LYRM4: variants seen among roughly 807,000 people sequenced by gnomAD.
LYRM4 encodes the protein LYR motif-containing protein 4.
Under a neutral mutation model 11.7 loss-of-function variants are expected in LYRM4, and 9 were observed. That is an observed-to-expected ratio of 0.77 (90% CI 0.46 to 1.34). The LOEUF (loss-of-function observed/expected upper bound fraction) is 1.34, where lower values mean the gene tolerates loss of function less well. Ranked by LOEUF, LYRM4 falls within the 40% of genes most tolerant of loss-of-function variation. The pLI is 0.00. For synonymous variants in LYRM4, 42 were observed against 40.4 expected (o/e 1.04, Z -0.15); for missense variants, 133 against 112.5 (o/e 1.18, Z -0.82).
chr6:5,200,634 C>T (rs1416708568), intron 2 of LYRM4, among the ~76,000 whole-genome samples: 1 of 152,230 alleles, frequency 6.6e-6, no homozygotes, highest in Non-Finnish European at 1.5e-5. Context: ...TGCCCGGAGA[C>T]TAGCCTTGTG....
At chr6:5,249,352 C>T (rs1764330596) in intron 1 of LYRM4, among the ~76,000 whole-genome samples, 1 of 152,122 alleles carries the variant, frequency 6.6e-6, no homozygotes, top group Admixed American at 6.6e-5. Context: ...TGATACTCAT[C>T]CATTATACTG....
the LYRM4 span, among the ~76,000 whole-genome samples, chr6:5,036,949 T>C: frequency 1.3e-5 from 2 of 152,130 alleles, no homozygotes; most frequent in African/African-American, 2.4e-5. Flanking sequence ...TCCCCTGTTA[T>C]CTAGGTCTCT....
intron 2 of LYRM4, among the ~76,000 whole-genome samples, chr6:5,130,830 C>T (rs1055133692): frequency 6.6e-5 from 10 of 151,976 alleles, no homozygotes; most frequent in South Asian, 4.2e-4. Flanking sequence ...ATTAAGGGCA[C>T]AGAAAAGTAG....
intron 2 of LYRM4, among the ~76,000 whole-genome samples, chr6:5,179,918 T>C (rs1480592227): frequency 6.6e-6 from 1 of 152,250 alleles, no homozygotes; most frequent in Non-Finnish European, 1.5e-5. Context: ...TTATCAATAA[T>C]TTCTTACTGT....
chr6:5,087,776 G>A, the LYRM4 span: 1 of 152,448 alleles, frequency 6.6e-6, no homozygotes, highest in Non-Finnish European at 1.5e-5. Flanking sequence ...CTTGGTCGCT[G>A]TGCTGGCTGT....
chr6:5,106,935 T>C (rs2127591452), downstream of LYRM4: 1 of 152,390 alleles, frequency 6.6e-6, no homozygotes, highest in East Asian at 1.9e-4. Flanking sequence ...GGTGGAATAC[T>C]TCCCTAGAGA....
intron 2 of LYRM4, among the ~76,000 whole-genome samples, chr6:5,205,250 C>T (rs1761627856): frequency 6.6e-6 from 1 of 150,438 alleles, no homozygotes; most frequent in African/African-American, 2.5e-5. Context: ...TCACTGAAGG[C>T]CTTCCCTAGG....
At position 5,260,932 on chromosome 6, in the gene LYRM4, G is replaced by C; in HGVS notation, c.-199C>G. 7.4e-7 allele frequency: 1 copy of C among 1,353,988 alleles called. No homozygotes were observed. The highest frequency in any genetic ancestry group is 9.5e-7 in the Non-Finnish European group (1 of 1,057,632). 83.9% of individuals were successfully genotyped at this position (1,353,988 alleles called of 1,614,324 possible). ...CCAGGCGTCCCGCGCCGCTTCGGGGGCGGGCGCAGGCAGGGCTCGGGGCAG... is the reference window on the plus strand; with the variant it reads ...CCAGGCGTCCCGCGCCGCTTCGGGGCCGGGCGCAGGCAGGGCTCGGGGCAG... On this transcript the variant is annotated 5_prime_UTR_variant, in exon 1 of 3. Coordinates refer to ENST00000330636, the MANE Select transcript of LYRM4 (RefSeq NM_020408.6).
At chr6:5,067,292 A>ATG in the LYRM4 span, among the ~76,000 whole-genome samples, 371 of 152,322 alleles carry the variant, frequency 2.4e-3, 2 homozygotes, top group South Asian at 0.015. Context: ...AACAGTTAAC[A>ATG]TTTACAATTG....
intron 2 of LYRM4, among the ~76,000 whole-genome samples, chr6:5,154,102 A>C (rs1442757558): frequency 6.6e-6 from 1 of 152,212 alleles, no homozygotes; most frequent in East Asian, 1.9e-4. Flanking sequence ...AGATATTCTA[A>C]ATCTTTAAGC....
intron 2 of LYRM4, among the ~76,000 whole-genome samples, chr6:5,145,118 C>G (rs367814679): frequency 2.6e-5 from 4 of 152,222 alleles, no homozygotes; most frequent in African/African-American, 9.6e-5. Flanking sequence ...GTGGAAAACA[C>G]CAACCTGGCA....
chr6:5,206,343 C>T (rs967622307), intron 2 of LYRM4, among the ~76,000 whole-genome samples: 2 of 152,176 alleles, frequency 1.3e-5, no homozygotes, highest in Non-Finnish European at 1.5e-5. Context: ...TCTCCTGGCT[C>T]GCTGGGCCAA....
At chr6:5,228,345 C>T (rs1036178098) in intron 1 of LYRM4, among the ~76,000 whole-genome samples, 6 of 151,924 alleles carry the variant, frequency 3.9e-5, no homozygotes, top group African/African-American at 7.3e-5. Flanking sequence ...AATGCGGTCT[C>T]GGCTCACTGC....
intron 2 of LYRM4, among the ~76,000 whole-genome samples, chr6:5,200,629 G>A (rs147172942): frequency 8.9e-4 from 136 of 152,316 alleles, no homozygotes; most frequent in African/African-American, 2.8e-3. Flanking sequence ...CAGCTTGCCC[G>A]GAGACTAGCC....
intron 2 of LYRM4, among the ~76,000 whole-genome samples, chr6:5,181,614 G>A (rs755909897): frequency 2.6e-5 from 4 of 151,950 alleles, no homozygotes; most frequent in Admixed American, 6.6e-5. Context: ...TCCTGACCAC[G>A]CCCTGGCTCC....
At chr6:5,251,643 C>T (rs945529687) in intron 1 of LYRM4, among the ~76,000 whole-genome samples, 4 of 152,178 alleles carry the variant, frequency 2.6e-5, no homozygotes, top group Non-Finnish European at 4.4e-5. Context: ...GAGAAACCTG[C>T]CCCCATGATC....
chr6:5,191,949 G>A (rs986411345), intron 2 of LYRM4, among the ~76,000 whole-genome samples: 5 of 152,068 alleles, frequency 3.3e-5, no homozygotes, highest in Admixed American at 2.0e-4. Context: ...GAAACAATCC[G>A]ACAGATTAAG....
the LYRM4 span, among the ~76,000 whole-genome samples, chr6:5,073,803 A>G: frequency 6.6e-6 from 1 of 152,164 alleles, no homozygotes; most frequent in African/African-American, 2.4e-5. Flanking sequence ...AATCACAGAA[A>G]TGACATCCCG....
At chr6:5,240,540 A>C (rs920542912) in intron 1 of LYRM4, 2 of 152,158 alleles carry the variant, frequency 1.3e-5, no homozygotes, top group Non-Finnish European at 2.9e-5. Flanking sequence ...TTTTAAAAGA[A>C]GAGCACACCA....
Sources: allele counts gnomAD v4.1 joint callset (sites outside exome capture counted in the v4.1 genomes callset), GRCh38; gene constraint gnomAD v4.1.1; transcripts MANE v1.5; gene names NCBI Gene and HGNC (gene_info 2026-07-23, HGNC 2026-07-21).